Variants in PPM1E observed in about 807,000 individuals in gnomAD.
The protein encoded by PPM1E is protein phosphatase 1E.
Under a neutral mutation model 65.9 loss-of-function variants are expected in PPM1E, and 20 were observed. The ratio of observed to expected loss-of-function variants is 0.30; its 90% CI spans 0.21 to 0.44. PPM1E has a LOEUF of 0.44. Ranked by LOEUF, PPM1E falls within the 20% of genes least tolerant of loss-of-function variation. PPM1E has a pLI of 1.00. For synonymous variants in PPM1E, 352 were observed against 374.9 expected (o/e 0.94, Z 0.70); for missense variants, 713 against 953.1 (o/e 0.75, Z 3.32).
chr17:58,820,158 C>T (rs550576794), intron 1 of PPM1E, among the ~76,000 whole-genome samples: 3 of 152,254 alleles, frequency 2.0e-5, no homozygotes, highest in East Asian at 1.9e-4. Flanking sequence ...AAAAATCCAC[C>T]CCCATGATCC....
At chr17:58,919,914 C>G (rs1219101776) in intron 1 of PPM1E, among the ~76,000 whole-genome samples, 2 of 152,166 alleles carry the variant, frequency 1.3e-5, no homozygotes, top group African/African-American at 2.4e-5. Flanking sequence ...TCTTATCTGG[C>G]ACTTGCTGGC....
At chr17:58,978,527 A>G (rs1567899085) in intron 6 of PPM1E, among the ~76,000 whole-genome samples, 1 of 152,106 alleles carries the variant, frequency 6.6e-6, no homozygotes, top group Non-Finnish European at 1.5e-5. Context: ...CCTGGCCAAT[A>G]TGGTGAAACC....
chr17:58,859,718 A>G (rs1282655160), intron 1 of PPM1E, among the ~76,000 whole-genome samples: 1 of 152,246 alleles, frequency 6.6e-6, no homozygotes, highest in Non-Finnish European at 1.5e-5. Context: ...ATGCCAAAGT[A>G]GCAGTAAGAC....
At chr17:58,815,559 A>G (rs759715934) in intron 1 of PPM1E, among the ~76,000 whole-genome samples, 2 of 152,138 alleles carry the variant, frequency 1.3e-5, no homozygotes, top group Non-Finnish European at 2.9e-5. Flanking sequence ...GCTCTTACTT[A>G]TTATAGCTCT....
chr17:58,822,219 G>A (rs1017778654), intron 1 of PPM1E, among the ~76,000 whole-genome samples: 2 of 152,118 alleles, frequency 1.3e-5, no homozygotes, highest in Non-Finnish European at 2.9e-5. Context: ...AGGCACTGAA[G>A]CATAGCATTG....
chr17:58,915,984 A>C (rs900019359), intron 1 of PPM1E, among the ~76,000 whole-genome samples: 3 of 152,142 alleles, frequency 2.0e-5, no homozygotes, highest in African/African-American at 7.2e-5. Context: ...GCATTCTTAG[A>C]GTTTTTCCAT....
intron 1 of PPM1E, among the ~76,000 whole-genome samples, chr17:58,894,598 A>G (rs956493462): frequency 2.6e-5 from 4 of 152,230 alleles, no homozygotes; most frequent in African/African-American, 9.6e-5. Context: ...ACTATTTTCA[A>G]GAAGGATCTT....
intron 1 of PPM1E, among the ~76,000 whole-genome samples, chr17:58,845,912 C>T (rs2050766499): frequency 6.6e-6 from 1 of 152,228 alleles, no homozygotes; most frequent in African/African-American, 2.4e-5. Context: ...AACTCCTGAC[C>T]TCAGGTGATC....
At chr17:58,800,676 T>G (rs1272071933) in intron 1 of PPM1E, among the ~76,000 whole-genome samples, 1 of 151,868 alleles carries the variant, frequency 6.6e-6, no homozygotes, top group Non-Finnish European at 1.5e-5. Flanking sequence ...AATTTGTCTA[T>G]TTCTTCTAAT....
intron 1 of PPM1E, among the ~76,000 whole-genome samples, chr17:58,929,330 C>T (rs2051863748): frequency 6.6e-6 from 1 of 152,034 alleles, no homozygotes; most frequent in Admixed American, 6.6e-5. Context: ...GAGGATGGAA[C>T]TTTCTGGAGT....
chr17:58,845,286 T>C (rs1381786748), intron 1 of PPM1E, among the ~76,000 whole-genome samples: 1 of 150,758 alleles, frequency 6.6e-6, no homozygotes, highest in Non-Finnish European at 1.5e-5. Flanking sequence ...GTTCTGTTCA[T>C]GGGTCATGGT....
At chr17:58,791,072 A>G (rs924569369) in intron 1 of PPM1E, among the ~76,000 whole-genome samples, 2 of 151,728 alleles carry the variant, frequency 1.3e-5, no homozygotes, top group African/African-American at 4.8e-5. Flanking sequence ...TTGTATTTTT[A>G]GTAGAGATGG....
rs575387744 is a variant in PPM1E, at chr17:58,777,987, T to C, written c.464+21526T>C. The stretch of plus-strand genomic sequence containing the variant: ...CTCCATCGCCCAGGCTGGAGTACGG[T>C]GGCATGATCATGGCTCACTGCAGCC... On this transcript the variant is annotated intron_variant, in intron 1 of 6. Transcript: ENST00000308249. Among the ~76,000 whole-genome samples, 3 of 152,302 alleles carry C rather than the reference T, an allele frequency of 2.0e-5. No homozygotes were observed. In the South Asian group the frequency reaches 6.2e-4, roughly 32 times the overall value.
chr17:58,897,710 C>T (rs1372229307), intron 1 of PPM1E: 2 of 152,186 alleles, frequency 1.3e-5, no homozygotes, highest in Non-Finnish European at 2.9e-5. Context: ...TACATTTGTG[C>T]TTTGCCACTG....
chr17:58,903,006 T>G (rs2051515660), intron 1 of PPM1E, among the ~76,000 whole-genome samples: 1 of 152,172 alleles, frequency 6.6e-6, no homozygotes, highest in Non-Finnish European at 1.5e-5. Flanking sequence ...TAGAAAAGAA[T>G]ATGTCTTTCT....
chr17:58,925,586 G>A (rs375361328), intron 1 of PPM1E, among the ~76,000 whole-genome samples: 4 of 151,900 alleles, frequency 2.6e-5, no homozygotes, highest in East Asian at 3.9e-4. Flanking sequence ...GACTACAGGC[G>A]CCTACCACCA....
At position 58,787,297 on chromosome 17, in the gene PPM1E, T is replaced by C. The variant is rs2050109653; in HGVS notation, c.464+30836T>C. ...TATGATGGCAAGATTCCCACAGTAA[T>C]ACATTAGATTAAATATTTTGTACAG... is the stretch of plus-strand genomic sequence containing the variant. On this transcript the variant is annotated intron_variant, in intron 1 of 6. Transcript: ENST00000308249. Among the ~76,000 whole-genome samples, 3 of 152,218 alleles carry C rather than the reference T, an allele frequency of 2.0e-5. No individual in the cohort carries two copies. In the South Asian group the frequency reaches 6.2e-4, roughly 32 times the overall value.
intron 1 of PPM1E, among the ~76,000 whole-genome samples, chr17:58,890,170 T>G (rs2051327989): frequency 6.6e-6 from 1 of 152,216 alleles, no homozygotes; most frequent in Non-Finnish European, 1.5e-5. Flanking sequence ...TTGTTTTATA[T>G]GTGTTTCTGC....
At chr17:58,779,909 A>T (rs1259625840) in intron 1 of PPM1E, among the ~76,000 whole-genome samples, 3 of 152,198 alleles carry the variant, frequency 2.0e-5, no homozygotes. Flanking sequence ...TTTTCAGATC[A>T]ACATGTAAAG....
Sources: gnomAD v4.1 joint callset for allele counts (sites outside exome capture counted in the v4.1 genomes callset) on GRCh38, gnomAD v4.1.1 for gene constraint, MANE v1.5 for transcripts, NCBI Gene and HGNC (gene_info 2026-07-23, HGNC 2026-07-21) for gene names.